HDAC9: variants seen among roughly 807,000 people sequenced by gnomAD.
HDAC9 encodes histone deacetylase 9, also known as MEF-2 interacting transcription repressor (MITR) protein.
HDAC9 carries 41 observed loss-of-function variants against 139.4 expected under a neutral mutation model. The ratio of observed to expected loss-of-function variants is 0.29; its 90% CI spans 0.23 to 0.38. The LOEUF is 0.38. HDAC9 is among the 10% of genes least tolerant of loss of function. The pLI is 1.00. For synonymous variants in HDAC9, 517 were observed against 476.2 expected, an observed-to-expected ratio of 1.09 and a Z score of -1.12; for missense variants, 1,147 against 1,297.0, an observed-to-expected ratio of 0.88 and a Z score of 1.78.
At chr7:18,475,733 G>A (rs1321999763) in intron 1 of HDAC9, among the ~76,000 whole-genome samples, 3 of 152,180 alleles carry the variant, frequency 2.0e-5, no homozygotes, top group Non-Finnish European at 4.4e-5. Flanking sequence ...AAAGGGCTTT[G>A]TTCACTGCAG....
rs1254348854 is a variant in HDAC9 at position 18,243,562 on chromosome 7, G to A, written c.25+81213G>A. On this transcript the variant is annotated intron_variant, in intron 2 of 12. Coordinates refer to the HDAC9 transcript ENST00000417496. Reference sequence around the variant, plus strand: ...AGTGGGGACAGCTCTACTGCTTGCTGAGCAGTCTCCATTCAGAAGTGTTTC... The same window carrying A: ...AGTGGGGACAGCTCTACTGCTTGCTAAGCAGTCTCCATTCAGAAGTGTTTC... Among the ~76,000 whole-genome samples, 3 of 152,308 alleles carry A rather than the reference G, an allele frequency of 2.0e-5. No homozygotes were observed. In the East Asian group the frequency reaches 5.8e-4, roughly 29 times the overall value.
Position 18,705,061 on chromosome 7 carries a change from A to G in HDAC9, c.1732-22519A>G, listed in dbSNP as rs115442949. 7.2e-3 allele frequency among the ~76,000 whole-genome samples: 1,092 copies of G among 152,304 alleles called. 18 individuals are homozygous for G. The highest frequency in any genetic ancestry group is 0.025 in the African/African-American group (1,055 of 41,550). The stretch of plus-strand genomic sequence containing the variant: ...TATTTTCAATAATATATGATTTTTT[A>G]AATTAAATATGCGTTCCTGTGTTTA... On this transcript the variant is annotated intron_variant, in intron 12 of 25. Transcript: ENST00000686413.
At chr7:18,309,291 G>A (rs78063589) in intron 1 of HDAC9, among the ~76,000 whole-genome samples, 55 of 152,232 alleles carry the variant, frequency 3.6e-4, no homozygotes, top group East Asian at 1.5e-3. Flanking sequence ...CGTGCCAGTG[G>A]CAGCTTATTC....
At chr7:18,855,171 G>A (rs1562992439) in intron 21 of HDAC9, among the ~76,000 whole-genome samples, 1 of 152,118 alleles carries the variant, frequency 6.6e-6, no homozygotes, top group Non-Finnish European at 1.5e-5. Flanking sequence ...CACAACCAAT[G>A]AATGTCACAG....
intron 2 of HDAC9, among the ~76,000 whole-genome samples, chr7:18,274,163 A>G (rs1290347641): frequency 3.9e-5 from 6 of 152,242 alleles, no homozygotes; most frequent in Non-Finnish European, 7.3e-5. Context: ...AAAAAAATAG[A>G]ATCAAAGTGA....
chr7:18,822,366 TTG>T (rs869137471), intron 17 of HDAC9, among the ~76,000 whole-genome samples: 10 of 152,046 alleles, frequency 6.6e-5, no homozygotes, highest in African/African-American at 2.4e-4. Context: ...GTTGTTGTTG[TTG>T]TTTGAGATGG....
intron 1 of HDAC9, among the ~76,000 whole-genome samples, chr7:18,103,750 TCCTATGGCATATTTCTGGTCACA>T (rs1313238561): frequency 9.2e-5 from 14 of 152,136 alleles, no homozygotes; most frequent in Non-Finnish European, 2.1e-4. Flanking sequence ...AGAGTTAAGC[TCCTATGGCATATTTCTGGTCACA>T]AAAATATCAC....
In HDAC9 at chr7:18,290,461, C is replaced by G. The variant is rs372604640; in HGVS notation, c.-96C>G. The G allele has an allele frequency of 3.1e-5, 14 of 456,376 alleles. No homozygotes were observed. The East Asian group carries it at 3.5e-4, about 11-fold the overall frequency. The allele number at this position is 456,376 out of a possible 1,614,324, so 28.3% of individuals were successfully genotyped here. ...TACAGAAAAGTTCAGAAGGACTGAG[C>G]TAGTTTGCGAAACCACAGCACACTT... On this transcript the variant is annotated 5_prime_UTR_variant, in exon 1 of 4. Coordinates refer to the HDAC9 transcript ENST00000413509.
chr7:18,464,322 A>G (rs1271911224), intron 1 of HDAC9, among the ~76,000 whole-genome samples: 2 of 152,022 alleles, frequency 1.3e-5, no homozygotes, highest in African/African-American at 4.8e-5. Flanking sequence ...GATTACAGCT[A>G]CATTTGGATT....
intron 1 of HDAC9, among the ~76,000 whole-genome samples, chr7:18,349,670 CTT>C (rs1271843788): frequency 6.7e-6 from 1 of 149,694 alleles, no homozygotes; most frequent in Non-Finnish European, 1.5e-5. Context: ...CTAATATTGT[CTT>C]TGTTAAGTAT....
intron 1 of HDAC9, among the ~76,000 whole-genome samples, chr7:18,403,331 T>C (rs892587963): frequency 1.3e-5 from 2 of 152,308 alleles, no homozygotes; most frequent in African/African-American, 4.8e-5. Flanking sequence ...GCATACTAGG[T>C]CTTATGATTT....
chr7:18,674,046 C>T (rs1046747080), intron 12 of HDAC9, among the ~76,000 whole-genome samples: 1 of 151,928 alleles, frequency 6.6e-6, no homozygotes, highest in Non-Finnish European at 1.5e-5. Flanking sequence ...GTTGATGAGA[C>T]CACCATTTAG....
chr7:18,794,467 C>T (rs901422662), intron 17 of HDAC9, among the ~76,000 whole-genome samples: 4 of 152,146 alleles, frequency 2.6e-5, no homozygotes, highest in African/African-American at 7.2e-5. Context: ...TTACTCTTAA[C>T]TCTTTAAAGA....
intron 1 of HDAC9, among the ~76,000 whole-genome samples, chr7:18,389,863 A>T (rs1237431655): frequency 6.6e-6 from 1 of 152,168 alleles, no homozygotes; most frequent in Non-Finnish European, 1.5e-5. Flanking sequence ...AGGGGTTAAT[A>T]AAAGTTGGCT....
intron 6 of HDAC9, among the ~76,000 whole-genome samples, chr7:18,595,627 AT>A (rs1832263257): frequency 6.6e-6 from 1 of 152,048 alleles, no homozygotes; most frequent in Non-Finnish European, 1.5e-5. Flanking sequence ...GATTCCCCTT[AT>A]GGCAGGAGGT....
At chr7:18,101,101 CCTG>C (rs1782829206) in intron 1 of HDAC9, among the ~76,000 whole-genome samples, 1 of 152,094 alleles carries the variant, frequency 6.6e-6, no homozygotes, top group Non-Finnish European at 1.5e-5. Context: ...ACATCTGTGT[CCTG>C]ATCATTACAC....
At chr7:18,586,132 A>G (rs1362083238) in intron 3 of HDAC9, among the ~76,000 whole-genome samples, 1 of 152,202 alleles carries the variant, frequency 6.6e-6, no homozygotes, top group Non-Finnish European at 1.5e-5. Context: ...ATTTGGGAGT[A>G]GTTGACAATT....
intron 1 of HDAC9, among the ~76,000 whole-genome samples, chr7:18,313,583 A>T (rs919583758): frequency 2.6e-5 from 4 of 152,176 alleles, no homozygotes; most frequent in African/African-American, 9.7e-5. Context: ...CCTTGTCACC[A>T]TGTGTGAACT....
intron 2 of HDAC9, among the ~76,000 whole-genome samples, chr7:18,173,552 G>A (rs956360155): frequency 3.3e-5 from 5 of 152,130 alleles, no homozygotes; most frequent in African/African-American, 1.2e-4. Context: ...TAGCATTGAC[G>A]GTCTTTACAA....
Sources: gnomAD v4.1 joint callset for allele counts (sites outside exome capture counted in the v4.1 genomes callset) on GRCh38, gnomAD v4.1.1 for gene constraint, MANE v1.5 for transcripts, NCBI Gene and HGNC (gene_info 2026-07-23, HGNC 2026-07-21) for gene names.